Variants in OSR1 observed in about 807,000 individuals in gnomAD.
OSR1 encodes odd-skipped related transcription factor 1, also known as protein odd-skipped-related 1.
OSR1 carries 3 observed loss-of-function variants against 15.7 expected under a neutral mutation model. The observed-to-expected ratio is 0.19, with a 90% CI of 0.09 to 0.50. The LOEUF is 0.50. OSR1 is among the 20% of genes least tolerant of loss of function. The pLI is 0.97. For missense variants in OSR1, 271 were observed against 351.1 expected, an observed-to-expected ratio of 0.77 and a Z score of 1.82; for synonymous variants, 166 against 152.7, an observed-to-expected ratio of 1.09 and a Z score of -0.64.
chr2:19,357,764 T>G lies in OSR1; in HGVS notation c.-33+577A>C, dbSNP rs911475542. The G allele has an allele frequency of 6.6e-5, 10 of 152,246 alleles. No individual in the cohort carries two copies. The highest frequency in any genetic ancestry group is 2.4e-4 in the African/African-American group (10 of 41,440). 9.4% of individuals were successfully genotyped at this position (152,246 alleles called of 1,614,324 possible). On this transcript the variant is annotated intron_variant, in intron 1 of 2. Coordinates refer to ENST00000272223, the MANE Select transcript of OSR1 (RefSeq NM_145260.3). This position sits in a 1 kb window ranked among gnomAD's most constrained non-coding sequence, Gnocchi z 5.0. The stretch of plus-strand genomic sequence containing the variant: ...GAATATCCCTAAGTTAGAGCGCGAG[T>G]GCAAGGCGGGGTTCAGACTCGCAGC...
chr2:19,347,285 T>C (rs1252815844), downstream of OSR1, among the ~76,000 whole-genome samples: 1 of 152,212 alleles, frequency 6.6e-6, no homozygotes, highest in Non-Finnish European at 1.5e-5. Flanking sequence ...GGGTAGTTTT[T>C]GGTTCAAGCA....
downstream of OSR1, among the ~76,000 whole-genome samples, chr2:19,349,154 C>G (rs148142019): frequency 6.6e-6 from 1 of 152,158 alleles, no homozygotes; most frequent in Non-Finnish European, 1.5e-5. Context: ...CATTTCTGAC[C>G]CTCTCAATTG....
At position 19,356,811 on chromosome 2, in the gene OSR1, C is replaced by G. The variant is rs1029762885; in HGVS notation, c.-33+1530G>C. 4 of 152,412 alleles carry G rather than the reference C, an allele frequency of 2.6e-5. No individual in the cohort carries two copies. In the South Asian group the frequency reaches 8.3e-4, roughly 32 times the overall value. 9.4% of individuals were successfully genotyped at this position (152,412 alleles called of 1,614,324 possible). ...TCGCGTCCCTCGCGCGGTGGAGCGC[C>G]AATCCCAGGTCTGCGGCCAGTCCTA... On this transcript the variant is annotated intron_variant, in intron 1 of 2. Transcript: ENST00000272223.
downstream of OSR1, chr2:19,346,533 G>A (rs1248507919): frequency 6.6e-6 from 1 of 152,400 alleles, no homozygotes; most frequent in Non-Finnish European, 1.5e-5. Flanking sequence ...GGGAGGCCAA[G>A]GTGGGAGGAT....
At chr2:19,350,779 A>C (rs1014576684), downstream of OSR1, among the ~76,000 whole-genome samples, 3 of 151,482 alleles carry the variant, frequency 2.0e-5, no homozygotes, top group Admixed American at 1.3e-4. Context: ...TTTCCTCCTA[A>C]GCGTCCCGGG....
At position 19,353,401 on chromosome 2, in the gene OSR1, A is replaced by T; in HGVS notation, c.405T>A (p.Gly135=). The T allele has an allele frequency of 6.2e-7, 1 of 1,614,108 alleles. No individual in the cohort carries two copies. Among genetic ancestry groups the T allele is most frequent in the Non-Finnish European group, 8.5e-7 (1 of 1,179,990 alleles). Residue 135 remains glycine, a synonymous_variant, in exon 2 of 3, where the codon GGT becomes GGA. Transcript: ENST00000272223. Reference sequence around the variant, plus strand: ...CAGGGGAGCCTGGGCCCTCCCCGCGACCGAGCTTGGCCGGATCTTCTTGCG... The same window carrying T: ...CAGGGGAGCCTGGGCCCTCCCCGCGTCCGAGCTTGGCCGGATCTTCTTGCG... ...AATQEDPAKL[G]RGEGPGSPAG... is the part of the protein sequence containing the mutation.
intron 1 of OSR1, chr2:19,356,030 G>C (rs978693966): frequency 5.9e-5 from 9 of 152,448 alleles, no homozygotes; most frequent in Non-Finnish European, 1.3e-4. Flanking sequence ...CCTTATCTCC[G>C]GGTCCCGGAC....
chr2:19,348,428 G>T (rs183066401), downstream of OSR1: 7 of 154,416 alleles, frequency 4.5e-5, no homozygotes, highest in Admixed American at 3.3e-4. Flanking sequence ...CAAGCCTTGT[G>T]TTCCAGCCCG....
Position 19,351,538 on chromosome 2 carries a change from A to G in OSR1, c.*737T>C, listed in dbSNP as rs1239589348. 1.3e-5 allele frequency: 2 copies of G among 151,906 alleles called. No homozygotes were observed. The highest frequency in any genetic ancestry group is 1.3e-4 in the Admixed American group (2 of 15,220). 9.4% of individuals were successfully genotyped at this position (151,906 alleles called of 1,614,324 possible). ...GTTAAAAAAAAAAAAAACTCCAGTG[A>G]TAAATGTCCGTTACCGATGGTCAGC... On this transcript the variant is annotated 3_prime_UTR_variant, in exon 3 of 3. Coordinates refer to ENST00000272223, the MANE Select transcript of OSR1 (RefSeq NM_145260.3).
At chr2:19,349,838 G>T (rs1664802753), downstream of OSR1, among the ~76,000 whole-genome samples, 1 of 152,208 alleles carries the variant, frequency 6.6e-6, no homozygotes, top group Non-Finnish European at 1.5e-5. Context: ...TTGTTTTGGA[G>T]CAACCATGGC....
chr2:19,351,177 C>T (rs1664831488), downstream of OSR1, among the ~76,000 whole-genome samples: 1 of 152,176 alleles, frequency 6.6e-6, no homozygotes, highest in Non-Finnish European at 1.5e-5. Context: ...TGGGATTTCT[C>T]ACGGGCGGTT....
At chr2:19,355,718 G>A (rs547090262) in intron 1 of OSR1, 2 of 152,244 alleles carry the variant, frequency 1.3e-5, no homozygotes, top group African/African-American at 4.8e-5. Context: ...TATTATCTGC[G>A]TGATCTGGCC....
Position 19,353,167 on chromosome 2 carries a change from C to G in OSR1, c.639G>C (p.Arg213=). ...YTCDICHKAF[R]RQDHLRDHRY... Reference sequence around the variant, plus strand: ...TGTGGTCTCGCAGGTGGTCTTGCCTCCGGAAGGCTTTGTGGCAGATGTCAC... The same window carrying G: ...TGTGGTCTCGCAGGTGGTCTTGCCTGCGGAAGGCTTTGTGGCAGATGTCAC... Residue 213 remains arginine, a synonymous_variant, in exon 2 of 3, where the codon CGG becomes CGC. Transcript: ENST00000272223. 6.2e-7 allele frequency: 1 copy of G among 1,614,038 alleles called. No homozygotes were observed. The highest frequency in any genetic ancestry group is 8.5e-7 in the Non-Finnish European group (1 of 1,179,872).
downstream of OSR1, among the ~76,000 whole-genome samples, chr2:19,348,070 G>C (rs1664766377): frequency 6.6e-6 from 1 of 152,246 alleles, no homozygotes; most frequent in African/African-American, 2.4e-5. Flanking sequence ...TGCGCAGTGG[G>C]AGAGGAGGGC....
At chr2:19,349,886 G>T (rs1005325074), downstream of OSR1, among the ~76,000 whole-genome samples, 7 of 152,166 alleles carry the variant, frequency 4.6e-5, no homozygotes, top group African/African-American at 1.7e-4. Context: ...AACCAAGGAA[G>T]ATTCTGCAGT....
the OSR1 span, among the ~76,000 whole-genome samples, chr2:19,345,982 T>A: frequency 3.9e-5 from 6 of 152,132 alleles, no homozygotes; most frequent in Non-Finnish European, 5.9e-5. Context: ...TCCTTCCCCA[T>A]CTCCACTGGC....
At chr2:19,348,209 GCAGGGCACCGCCCTTCACT>G (rs1664772553), downstream of OSR1, among the ~76,000 whole-genome samples, 1 of 152,146 alleles carries the variant, frequency 6.6e-6, no homozygotes, top group African/African-American at 2.4e-5. Context: ...AGAGGACGCT[GCAGGGCACCGCCCTTCACT>G]CAGGACAGCT....
Position 19,353,627 on chromosome 2 carries a change from G to T in OSR1, c.179C>A (p.Pro60Gln), listed in dbSNP as rs780326478. ...VHLHQWTLGY[P>Q]AMHLPRSSFS... is the part of the protein sequence containing the mutation. Reference sequence around the variant, plus strand: ...AGAAGAGCGCGGCAAGTGCATGGCCGGGTAGCCCAGCGTCCACTGATGCAG... The same window carrying T: ...AGAAGAGCGCGGCAAGTGCATGGCCTGGTAGCCCAGCGTCCACTGATGCAG... The change falls in exon 2 of 3, where the codon CCG becomes CAG. Residue 60 changes from proline to glutamine, a missense_variant. Pro to Gln is a moderately conservative substitution (Grantham distance 76). Coordinates refer to ENST00000272223, the MANE Select transcript of OSR1 (RefSeq NM_145260.3). 1 of 1,614,138 alleles carries T rather than the reference G, an allele frequency of 6.2e-7. No homozygotes were observed. Among genetic ancestry groups the T allele is most frequent in the African/African-American group, 1.3e-5 (1 of 74,954 alleles).
At chr2:19,355,029 C>G (rs1261753364) in intron 1 of OSR1, 1 of 152,252 alleles carries the variant, frequency 6.6e-6, no homozygotes, top group African/African-American at 2.4e-5. Flanking sequence ...GTGGAGACAT[C>G]TGAGCTCTGC....
Sources: gnomAD v4.1 joint callset for allele counts (sites outside exome capture counted in the v4.1 genomes callset) on GRCh38, gnomAD v4.1.1 for gene constraint, Gnocchi (gnomAD v3.1) non-coding constraint, MANE v1.5 for transcripts, NCBI Gene and HGNC (gene_info 2026-07-23, HGNC 2026-07-21) for gene names.